KCNJ6: variants seen among roughly 807,000 people sequenced by gnomAD.
KCNJ6 encodes the protein G protein-activated inward rectifier potassium channel 2.
KCNJ6 carries 9 observed loss-of-function variants against 34.2 expected under a neutral mutation model. That is an observed-to-expected ratio of 0.26 (90% confidence interval 0.16 to 0.46). The LOEUF is 0.46. Among genes scored for constraint, KCNJ6 ranks in the 20% least tolerant of loss-of-function variants. The pLI, the probability that KCNJ6 is intolerant of heterozygous loss-of-function variation, is 1.00. For missense variants in KCNJ6, 236 were observed against 531.3 expected (o/e 0.44, Z 5.46); for synonymous variants, 196 against 207.1 (o/e 0.95, Z 0.46).
chr21:37,841,143 ATTTC>A (rs927600616), intron 1 of KCNJ6, among the ~76,000 whole-genome samples: 4 of 151,992 alleles, frequency 2.6e-5, no homozygotes, highest in African/African-American at 9.7e-5. Flanking sequence ...TTTTATACAT[ATTTC>A]TTTGTCTTAG....
intron 3 of KCNJ6, among the ~76,000 whole-genome samples, chr21:37,680,837 C>A (rs192083937): frequency 4.6e-5 from 7 of 152,342 alleles, no homozygotes; most frequent in Middle Eastern, 3.4e-3. Flanking sequence ...AGATGTATAT[C>A]TCTCTCTTTC....
chr21:37,821,195 CTTTT>C (rs1568860841), intron 2 of KCNJ6, among the ~76,000 whole-genome samples: 1 of 152,126 alleles, frequency 6.6e-6, no homozygotes, highest in Non-Finnish European at 1.5e-5. Flanking sequence ...TGGAAAATAA[CTTTT>C]TTATTTAGGT....
At chr21:37,691,371 C>T (rs903370896) in intron 3 of KCNJ6, among the ~76,000 whole-genome samples, 1 of 152,174 alleles carries the variant, frequency 6.6e-6, no homozygotes, top group Non-Finnish European at 1.5e-5. Flanking sequence ...GGCTGTGATG[C>T]TCCCAAATCT....
chr21:37,653,391 G>A (rs1454379304), intron 3 of KCNJ6, among the ~76,000 whole-genome samples: 1 of 152,146 alleles, frequency 6.6e-6, no homozygotes, highest in Admixed American at 6.5e-5. Flanking sequence ...TGCTGGTGGC[G>A]CAGGTGTGTG....
intron 1 of KCNJ6, among the ~76,000 whole-genome samples, chr21:37,845,170 G>T (rs74973692): frequency 0.043 from 6,577 of 152,282 alleles, 190 homozygotes; most frequent in East Asian, 0.085. Context: ...AGGTGAAAAA[G>T]ACAGATATAT....
At chr21:37,838,990 T>C (rs1025287381) in intron 2 of KCNJ6, among the ~76,000 whole-genome samples, 2 of 152,174 alleles carry the variant, frequency 1.3e-5, no homozygotes, top group Non-Finnish European at 2.9e-5. Flanking sequence ...CTGCTCCTTT[T>C]TTGCCCTTCA....
intron 3 of KCNJ6, among the ~76,000 whole-genome samples, chr21:37,691,444 C>G (rs1043971791): frequency 1.3e-5 from 2 of 152,204 alleles, no homozygotes; most frequent in African/African-American, 4.8e-5. Flanking sequence ...ACCCTCCCAG[C>G]CTGCTTGGCA....
chr21:37,673,568 C>T (rs1021841330), intron 3 of KCNJ6, among the ~76,000 whole-genome samples: 2 of 152,174 alleles, frequency 1.3e-5, no homozygotes, highest in Non-Finnish European at 2.9e-5. Context: ...TGTGTTGTGT[C>T]CAACTCACTC....
At chr21:37,829,640 G>C (rs1054196618) in intron 2 of KCNJ6, among the ~76,000 whole-genome samples, 1 of 152,226 alleles carries the variant, frequency 6.6e-6, no homozygotes, top group African/African-American at 2.4e-5. Flanking sequence ...AGCTGGGCTG[G>C]TAATGCAGTG....
rs1191716288 is a variant in KCNJ6 at position 37,651,117 on chromosome 21, C to G, written c.947-25633G>C. ...TTTTACAAAAGAAAGGTACAGAGAG[C>G]CACAGGACCATTTAAGGGCAGGAGC... On this transcript the variant is annotated intron_variant, in intron 3 of 3. Transcript: ENST00000609713. Among the ~76,000 whole-genome samples the G allele has an allele frequency of 2.0e-5, 3 of 152,082 alleles. No homozygotes were observed. The South Asian group carries it at 6.2e-4, about 32-fold the overall frequency.
At chr21:37,745,476 G>A (rs2054963259) in intron 2 of KCNJ6, among the ~76,000 whole-genome samples, 1 of 152,058 alleles carries the variant, frequency 6.6e-6, no homozygotes, top group African/African-American at 2.4e-5. Flanking sequence ...AGGAGTGCAG[G>A]TGGCCTGTAG....
chr21:37,744,720 G>A (rs910084653), intron 2 of KCNJ6, among the ~76,000 whole-genome samples: 20 of 152,308 alleles, frequency 1.3e-4, no homozygotes, highest in African/African-American at 4.6e-4. Flanking sequence ...AGATATTCAA[G>A]TCTAGAGACC....
At chr21:37,646,544 T>C (rs1875170472) in intron 3 of KCNJ6, among the ~76,000 whole-genome samples, 1 of 152,184 alleles carries the variant, frequency 6.6e-6, no homozygotes, top group Non-Finnish European at 1.5e-5. Context: ...GTTTTCCCTC[T>C]AGGGAGGGTT....
intron 1 of KCNJ6, among the ~76,000 whole-genome samples, chr21:37,868,099 C>T (rs868439468): frequency 9.2e-5 from 14 of 152,168 alleles, no homozygotes; most frequent in Admixed American, 6.5e-4. Context: ...CTGGCTGCTC[C>T]GGGCATCCTA....
At chr21:37,636,688 G>T (rs536537847) in intron 3 of KCNJ6, among the ~76,000 whole-genome samples, 1 of 152,318 alleles carries the variant, frequency 6.6e-6, no homozygotes, top group South Asian at 2.1e-4. Context: ...TGTGCCATAG[G>T]CACTGAGCAA....
At chr21:37,810,866 T>C (rs949670311) in intron 2 of KCNJ6, among the ~76,000 whole-genome samples, 3 of 152,204 alleles carry the variant, frequency 2.0e-5, no homozygotes, top group African/African-American at 7.2e-5. Context: ...TCTTTTGTTC[T>C]AATATTTGGT....
rs1320927616 is a variant in KCNJ6 at position 37,621,787 on chromosome 21, G to A, written c.*3372C>T. 1 of 152,210 alleles carries A rather than the reference G, an allele frequency of 6.6e-6. No individual in the cohort carries two copies. The highest frequency in any genetic ancestry group is 1.5e-5 in the Non-Finnish European group (1 of 68,054). The allele number at this position is 152,210 out of a possible 1,614,324, so 9.4% of individuals were successfully genotyped here. ...GGGGAAGAGAGAGTTCTGCCTCATG[G>A]ACATAGAGGGGATATATGCTGGAAC... On this transcript the variant is annotated 3_prime_UTR_variant, in exon 4 of 4. Coordinates refer to ENST00000609713, the MANE Select transcript of KCNJ6 (RefSeq NM_002240.5).
chr21:37,766,514 G>C (rs1041540720), intron 2 of KCNJ6, among the ~76,000 whole-genome samples: 1 of 152,162 alleles, frequency 6.6e-6, no homozygotes, highest in South Asian at 2.1e-4. Flanking sequence ...TAACCAACGG[G>C]CCTGGTAAAT....
intron 3 of KCNJ6, among the ~76,000 whole-genome samples, chr21:37,631,051 T>G (rs1444425241): frequency 6.6e-6 from 1 of 152,198 alleles, no homozygotes; most frequent in Admixed American, 6.5e-5. Context: ...ACAGCACTTA[T>G]CAGAGTGTTT....
Sources: gnomAD v4.1 joint callset for allele counts (sites outside exome capture counted in the v4.1 genomes callset) on GRCh38, gnomAD v4.1.1 for gene constraint, MANE v1.5 for transcripts, NCBI Gene and HGNC (gene_info 2026-07-23, HGNC 2026-07-21) for gene names.